The following SUSD4 variants were observed in gnomAD, a reference collection of about 807,000 sequenced individuals.
SUSD4 encodes the protein sushi domain-containing protein 4.
Under a neutral mutation model 50.5 loss-of-function variants are expected in SUSD4, and 41 were observed. That is an observed-to-expected ratio of 0.81 (90% CI 0.63 to 1.05). The LOEUF is 1.05. Ranked by LOEUF, SUSD4 falls within the 50% of genes least tolerant of loss-of-function variation. The probability of loss-of-function intolerance (pLI) is 0.00; values close to 1 mark genes in which losing one functional copy is unlikely to be tolerated. For synonymous variants in SUSD4, 257 were observed against 257.3 expected, an observed-to-expected ratio of 1.00 and a Z score of 0.01; for missense variants, 580 against 634.7, an observed-to-expected ratio of 0.91 and a Z score of 0.93.
chr1:223,239,687 C>T (rs1341365606), intron 5 of SUSD4, among the ~76,000 whole-genome samples: 2 of 151,756 alleles, frequency 1.3e-5, no homozygotes, highest in Non-Finnish European at 2.9e-5. Context: ...TGTACCATTG[C>T]TGTCATTCAT....
intron 3 of SUSD4, among the ~76,000 whole-genome samples, chr1:223,275,140 G>T (rs1663169139): frequency 6.6e-6 from 1 of 152,240 alleles, no homozygotes; most frequent in Non-Finnish European, 1.5e-5. Flanking sequence ...CTGGCAAGTA[G>T]AGAGTGCTTA....
Position 223,292,584 on chromosome 1 carries a change from T to C in SUSD4, c.216A>G (p.Gly72=). 1 of 1,613,844 alleles carries C rather than the reference T, an allele frequency of 6.2e-7. No individual in the cohort carries two copies. The highest frequency in any genetic ancestry group is 8.5e-7 in the Non-Finnish European group (1 of 1,179,928). The stretch of plus-strand genomic sequence containing the variant: ...CTACAGAGCCTTCAAAGAAAACCCC[T>C]CCGCTGGGGGTCCTGAAGCCATTCT... ...IPENGFRTPS[G]GVFFEGSVAR... Residue 72 remains glycine, a synonymous_variant, in exon 3 of 9, where the codon GGA becomes GGG. Coordinates refer to ENST00000366878, the MANE Select transcript of SUSD4 (RefSeq NM_017982.4).
intron 5 of SUSD4, chr1:223,230,479 T>C: frequency 6.6e-6 from 1 of 152,032 alleles, no homozygotes; most frequent in East Asian, 1.9e-4. Context: ...GAACAGGCAC[T>C]GCCCACCATA....
intron 2 of SUSD4, among the ~76,000 whole-genome samples, chr1:223,319,139 A>T (rs1453721780): frequency 3.4e-5 from 2 of 58,048 alleles, no homozygotes; most frequent in African/African-American, 1.4e-4. Context: ...CTTACACCTT[A>T]TACAAAAATC....
In SUSD4 at chr1:223,231,028, G is replaced by C. The variant is rs1659860726; in HGVS notation, c.725-1640C>G. Among the ~76,000 whole-genome samples the C allele has an allele frequency of 6.6e-6, 1 of 152,186 alleles. No homozygotes were observed. Among genetic ancestry groups the C allele is most frequent in the African/African-American group, 2.4e-5 (1 of 41,430 alleles). On this transcript the variant is annotated intron_variant, in intron 5 of 8. Coordinates refer to ENST00000366878, the MANE Select transcript of SUSD4 (RefSeq NM_017982.4). The surrounding 1 kb of genome is among the most constrained non-coding windows in gnomAD (Gnocchi z 4.2). The stretch of plus-strand genomic sequence containing the variant: ...AGCCAGCAGGAACACCCCAAGATTA[G>C]TGAGAGCAGGAAGCCACTACCGCTC...
intron 2 of SUSD4, among the ~76,000 whole-genome samples, chr1:223,348,328 A>T (rs1668156610): frequency 6.6e-6 from 1 of 152,136 alleles, no homozygotes; most frequent in Non-Finnish European, 1.5e-5. Context: ...ATTTTTTTCC[A>T]CTCATAATTT....
intron 2 of SUSD4, among the ~76,000 whole-genome samples, chr1:223,341,458 C>A (rs1467862971): frequency 6.6e-6 from 1 of 151,476 alleles, no homozygotes; most frequent in Non-Finnish European, 1.5e-5. Flanking sequence ...CTCCCACCCA[C>A]CCCCTCTCTG....
intron 5 of SUSD4, among the ~76,000 whole-genome samples, chr1:223,251,761 C>T (rs954078042): frequency 1.3e-5 from 2 of 152,212 alleles, no homozygotes; most frequent in East Asian, 1.9e-4. Context: ...CCTTTGGGTA[C>T]ATACCCAGTA....
chr1:223,281,136 GAAAGATCTAA>G (rs1663694022), intron 3 of SUSD4, among the ~76,000 whole-genome samples: 1 of 152,176 alleles, frequency 6.6e-6, no homozygotes. Flanking sequence ...AAGAAAGCAG[GAAAGATCTAA>G]AATAGACTCC....
chr1:223,280,070 A>G (rs2103112836), intron 3 of SUSD4, among the ~76,000 whole-genome samples: 1 of 152,338 alleles, frequency 6.6e-6, no homozygotes, highest in East Asian at 1.9e-4. Flanking sequence ...CTGCCCTACA[A>G]GAGCTCCTGA....
chr1:223,355,765 T>C (rs1333237809), intron 2 of SUSD4, among the ~76,000 whole-genome samples: 1 of 152,200 alleles, frequency 6.6e-6, no homozygotes, highest in African/African-American at 2.4e-5. Flanking sequence ...TACACCTTCA[T>C]TTGCAAAGAA....
intron 5 of SUSD4, among the ~76,000 whole-genome samples, chr1:223,262,099 C>T (rs1232502163): frequency 6.6e-6 from 1 of 152,160 alleles, no homozygotes; most frequent in African/African-American, 2.4e-5. Flanking sequence ...TCCTGGCTCA[C>T]AGCAGGTTAG....
intron 2 of SUSD4, among the ~76,000 whole-genome samples, chr1:223,344,177 C>T (rs189164349): frequency 1.2e-3 from 178 of 152,236 alleles, no homozygotes; most frequent in Non-Finnish European, 2.2e-3. Flanking sequence ...CCTAAGAAAA[C>T]GGAGCAAGGG....
intron 2 of SUSD4, among the ~76,000 whole-genome samples, chr1:223,334,226 T>A (rs1421071015): frequency 1.3e-5 from 2 of 149,026 alleles, no homozygotes; most frequent in African/African-American, 5.0e-5. Context: ...AGAGGAAGAG[T>A]TCCTTATCAT....
At chr1:223,317,744 GTC>G (rs1666288349) in intron 2 of SUSD4, among the ~76,000 whole-genome samples, 1 of 150,096 alleles carries the variant, frequency 6.7e-6, no homozygotes, top group South Asian at 2.1e-4. Flanking sequence ...TTAAATCAAT[GTC>G]TCTCATGAGG....
At chr1:223,350,225 C>T (rs1668280232) in intron 2 of SUSD4, among the ~76,000 whole-genome samples, 1 of 152,248 alleles carries the variant, frequency 6.6e-6, no homozygotes, top group Non-Finnish European at 1.5e-5. Context: ...GAGACAGTAT[C>T]CCACATAGGC....
intron 2 of SUSD4, among the ~76,000 whole-genome samples, chr1:223,305,351 A>T (rs1346000934): frequency 6.6e-6 from 1 of 152,172 alleles, no homozygotes. Flanking sequence ...CATGAGACTA[A>T]GCAAAAGCAA....
At chr1:223,270,811 T>C (rs1410788348) in intron 3 of SUSD4, among the ~76,000 whole-genome samples, 4 of 152,098 alleles carry the variant, frequency 2.6e-5, no homozygotes, top group Non-Finnish European at 5.9e-5. Context: ...TCATGATCCC[T>C]TGGCATCCCA....
chr1:223,311,662 C>G (rs946556427), intron 2 of SUSD4, among the ~76,000 whole-genome samples: 9 of 152,170 alleles, frequency 5.9e-5, no homozygotes, highest in Non-Finnish European at 8.8e-5. Flanking sequence ...CTTGTTTATA[C>G]AGAAATAGGC....
Sources: allele counts gnomAD v4.1 joint callset (sites outside exome capture counted in the v4.1 genomes callset), GRCh38; gene constraint gnomAD v4.1.1; non-coding constraint Gnocchi (gnomAD v3.1); transcripts MANE v1.5; gene names NCBI Gene and HGNC (gene_info 2026-07-23, HGNC 2026-07-21).